The following RELN variants were observed in gnomAD, a reference collection of about 807,000 sequenced individuals.
The protein encoded by RELN is reelin.
Under a neutral mutation model 427.6 loss-of-function variants are expected in RELN, and 108 were observed. The observed-to-expected ratio is 0.25, with a 90% CI of 0.22 to 0.30. RELN has a LOEUF of 0.30. Among genes scored for constraint, RELN ranks in the 10% least tolerant of loss-of-function variants. The pLI is 1.00. For synonymous variants in RELN, 1,524 were observed against 1,513.4 expected (o/e 1.01, Z -0.16); for missense variants, 3,715 against 4,302.8 (o/e 0.86, Z 3.82).
At chr7:103,548,300 G>A (rs762119203) in intron 41 of RELN, among the ~76,000 whole-genome samples, 9 of 152,092 alleles carry the variant, frequency 5.9e-5, no homozygotes, top group Admixed American at 5.9e-4. Flanking sequence ...TCCAATAAAT[G>A]CAAGAAAAGA....
At chr7:103,619,114 A>AC (rs35431770) in intron 20 of RELN, among the ~76,000 whole-genome samples, 1 of 85,924 alleles carries the variant, frequency 1.2e-5, no homozygotes, top group African/African-American at 7.1e-5. Flanking sequence ...CTCTCAAATT[A>AC]AAAAAAAAAA....
chr7:103,855,228 T>C (rs1015228932), intron 2 of RELN, among the ~76,000 whole-genome samples: 2 of 152,188 alleles, frequency 1.3e-5, no homozygotes, highest in African/African-American at 2.4e-5. Context: ...GCTGTTCCCA[T>C]CCAGAGAACT....
intron 1 of RELN, among the ~76,000 whole-genome samples, chr7:103,983,178 C>T (rs1357858520): frequency 6.6e-6 from 1 of 152,166 alleles, no homozygotes; most frequent in African/African-American, 2.4e-5. Context: ...AACATTTCTA[C>T]ATTTGTACTG....
At chr7:103,478,278 T>A in intron 64 of RELN, 111 bp downstream of exon 64, 2 of 346,992 alleles carry the variant, frequency 5.8e-6, no homozygotes, top group South Asian at 3.6e-5. Flanking sequence ...TTTCATAGAT[T>A]TTTTTTTTTT....
At chr7:103,898,196 G>A (rs1223682471) in intron 2 of RELN, among the ~76,000 whole-genome samples, 1 of 151,870 alleles carries the variant, frequency 6.6e-6, no homozygotes, top group Admixed American at 6.6e-5. Context: ...GTGGATATGG[G>A]TGTGTAGGTA....
At chr7:103,885,397 C>T (rs936967684) in intron 2 of RELN, among the ~76,000 whole-genome samples, 1 of 151,748 alleles carries the variant, frequency 6.6e-6, no homozygotes, top group South Asian at 2.1e-4. Context: ...CCATGGAATA[C>T]TATGCAGCCA....
intron 7 of RELN, 66 bp downstream of exon 7, chr7:103,728,045 C>G: frequency 6.6e-7 from 1 of 1,519,156 alleles, no homozygotes; most frequent in Middle Eastern, 1.7e-4. Context: ...ATAAGAAAAA[C>G]TTTTGTTGGC....
At chr7:103,813,171 C>T (rs1440725611) in intron 3 of RELN, among the ~76,000 whole-genome samples, 1 of 152,102 alleles carries the variant, frequency 6.6e-6, no homozygotes, top group Non-Finnish European at 1.5e-5. Context: ...TCTCTTTCTA[C>T]ATATTAATAC....
In RELN at chr7:103,971,667, G is replaced by A. The variant is rs527689849; in HGVS notation, c.226+17464C>T. ...CTTTTTGGAGGACAATCTGACAGTA[G>A]GTATCAACAGCTGTAGTGTTATTAA... On this transcript the variant is annotated intron_variant, in intron 1 of 64. Transcript: ENST00000428762. Among the ~76,000 whole-genome samples the A allele has an allele frequency of 3.3e-5, 5 of 152,286 alleles. No individual in the cohort carries two copies. The South Asian group carries it at 1.0e-3, about 32-fold the overall frequency.
chr7:103,486,205 A>G lies in RELN; in HGVS notation c.9975T>C (p.Thr3325=). ...TATGGAGGTTTGGGTACCTTGCTCG[A>G]GTGAGATCCAGAGGCTTGGTAGCTG... The part of the protein sequence containing the change: ...RQAATKPLDL[T]RASKIMFVLQ... The change falls in exon 61 of 65, where the codon ACT becomes ACC. Residue 3325 remains threonine (T), a synonymous_variant. Transcript: ENST00000428762. 2 of 1,613,400 alleles carry G rather than the reference A, an allele frequency of 1.2e-6. No homozygotes were observed. Among genetic ancestry groups the G allele is most frequent in the Non-Finnish European group, 1.7e-6 (2 of 1,179,996 alleles).
At position 103,988,201 on chromosome 7, in the gene RELN, T is replaced by C. The variant is rs937975986; in HGVS notation, c.226+930A>G. Among the ~76,000 whole-genome samples the C allele has an allele frequency of 6.6e-6, 1 of 152,200 alleles. No individual in the cohort carries two copies. Among genetic ancestry groups the C allele is most frequent in the African/African-American group, 2.4e-5 (1 of 41,450 alleles). ...TCTATAGGCATGAAATGTTCAGAAG[T>C]CCCAGAAGAAATACAGAAAAGAGAC... On this transcript the variant is annotated intron_variant, in intron 1 of 64. Transcript: ENST00000428762. The surrounding 1 kb of genome is among the most constrained non-coding windows in gnomAD (Gnocchi z 4.9).
chr7:103,826,013 C>T (rs1793128852), intron 3 of RELN, among the ~76,000 whole-genome samples: 1 of 152,020 alleles, frequency 6.6e-6, no homozygotes, highest in Non-Finnish European at 1.5e-5. Context: ...GCTCTGCCCT[C>T]ATGAATGGAT....
At chr7:103,857,612 T>C (rs1454325898) in intron 2 of RELN, among the ~76,000 whole-genome samples, 3 of 152,180 alleles carry the variant, frequency 2.0e-5, no homozygotes, top group Non-Finnish European at 4.4e-5. Context: ...TGAATCTGCC[T>C]GCATATGGTG....
intron 1 of RELN, among the ~76,000 whole-genome samples, chr7:103,985,901 G>A (rs143956193): frequency 1.3e-5 from 2 of 152,272 alleles, no homozygotes; most frequent in Non-Finnish European, 2.9e-5. Flanking sequence ...AACAGAAATG[G>A]CTACCTGACT....
chr7:103,961,933 T>G (rs1411617761), intron 1 of RELN, among the ~76,000 whole-genome samples: 1 of 152,172 alleles, frequency 6.6e-6, no homozygotes, highest in Admixed American at 6.5e-5. Flanking sequence ...TCTTTCTGTC[T>G]CATCACCAAC....
intron 1 of RELN, among the ~76,000 whole-genome samples, chr7:103,935,442 C>T (rs183725322): frequency 3.3e-5 from 5 of 151,806 alleles, no homozygotes; most frequent in African/African-American, 4.8e-5. Flanking sequence ...TTTTTTCCTG[C>T]ATAACTGGAA....
chr7:103,574,061 G>A, intron 30 of RELN, 31 bp downstream of exon 30: 1 of 1,524,266 alleles, frequency 6.6e-7, no homozygotes, highest in Non-Finnish European at 9.1e-7. Context: ...TAATATGTTT[G>A]TGAAAAAGTA....
intron 36 of RELN, among the ~76,000 whole-genome samples, chr7:103,558,298 T>C (rs1830568496): frequency 6.6e-6 from 1 of 152,174 alleles, no homozygotes; most frequent in Admixed American, 6.5e-5. Context: ...CTGTGACTCT[T>C]CTAAAAAGCG....
chr7:103,476,333 C>T (rs1011043697), intron 64 of RELN, among the ~76,000 whole-genome samples: 7 of 151,858 alleles, frequency 4.6e-5, no homozygotes, highest in South Asian at 2.1e-4. Context: ...TGTTGTGGCA[C>T]GCCAGGCATG....
Sources: gnomAD v4.1 joint callset for allele counts (sites outside exome capture counted in the v4.1 genomes callset) on GRCh38, gnomAD v4.1.1 for gene constraint, Gnocchi (gnomAD v3.1) non-coding constraint, MANE v1.5 for transcripts, NCBI Gene and HGNC (gene_info 2026-07-23, HGNC 2026-07-21) for gene names.